The following PIEZO1 variants were observed in gnomAD, a reference collection of about 807,000 sequenced individuals.
PIEZO1 encodes the protein piezo type mechanosensitive ion channel component 1 (Er blood group), also known as piezo-type mechanosensitive ion channel component 1.
A neutral mutation model predicts 297.2 loss-of-function variants in PIEZO1; 296 were observed. That is an observed-to-expected ratio of 1.00 (90% CI 0.91 to 1.10). The LOEUF is 1.10. PIEZO1 is among the 50% of genes least tolerant of loss of function. PIEZO1 has a pLI of 0.00. For missense variants in PIEZO1, 5,018 were observed against 3,455.5 expected (o/e 1.45, Z -11.34); for synonymous variants, 2,427 against 1,507.5 (o/e 1.61, Z -14.13).
chr16:88,730,942 C>T (rs1473149093), intron 22 of PIEZO1, among the ~76,000 whole-genome samples: 1 of 152,258 alleles, frequency 6.6e-6, no homozygotes, highest in African/African-American at 2.4e-5. Context: ...CCCCACACAG[C>T]CCACCAGTGC....
intron 1 of PIEZO1, among the ~76,000 whole-genome samples, chr16:88,764,846 C>T (rs1270460273): frequency 6.6e-6 from 1 of 152,222 alleles, no homozygotes; most frequent in African/African-American, 2.4e-5. Context: ...AACGAGGACT[C>T]CGCCCTCGGC....
At chr16:88,784,640 G>C (rs762387820) in intron 1 of PIEZO1, among the ~76,000 whole-genome samples, 1 of 151,714 alleles carries the variant, frequency 6.6e-6, no homozygotes, top group African/African-American at 2.4e-5. Flanking sequence ...CCCGGCGCTC[G>C]CTCGACCGCC....
chr16:88,727,553 T>G lies in PIEZO1; in HGVS notation c.3301+4A>C. 7.7e-7 allele frequency: 1 copy of G among 1,303,504 alleles called. No individual in the cohort carries two copies. The highest frequency in any genetic ancestry group is 1.1e-6 in the Non-Finnish European group (1 of 938,928). 80.7% of individuals were successfully genotyped at this position (1,303,504 alleles called of 1,614,324 possible). A position where few individuals can be genotyped will look rare whatever the true frequency, so the allele number is the denominator to read the frequency against. ...CAGAGGCGGGGGTGGTGGGGGGCACTCACTGATGAGGTTGGTGGAGTTGGG... is the reference window on the plus strand; with the variant it reads ...CAGAGGCGGGGGTGGTGGGGGGCACGCACTGATGAGGTTGGTGGAGTTGGG... On this transcript the variant is annotated splice_donor_region_variant and intron_variant, in intron 23 of 50. Coordinates refer to ENST00000301015, the MANE Select transcript of PIEZO1 (RefSeq NM_001142864.4).
intron 1 of PIEZO1, among the ~76,000 whole-genome samples, chr16:88,758,839 T>A (rs985737872): frequency 6.6e-6 from 1 of 152,204 alleles, no homozygotes; most frequent in Admixed American, 6.5e-5. Context: ...GCCTGACACA[T>A]AGCATGAGAG....
intron 1 of PIEZO1, among the ~76,000 whole-genome samples, chr16:88,775,689 A>G (rs1907624869): frequency 7.0e-6 from 1 of 143,772 alleles, no homozygotes; most frequent in South Asian, 2.2e-4. Context: ...AGATCGTGCC[A>G]CTCCACTACA....
At chr16:88,741,316 T>C in intron 5 of PIEZO1, 162 bp downstream of exon 5, 1 of 643,508 alleles carries the variant, frequency 1.6e-6, no homozygotes, top group Non-Finnish European at 2.6e-6. Context: ...AACTGCAGGC[T>C]GGGCCCCGGG....
chr16:88,770,788 G>T lies in PIEZO1; in HGVS notation c.64+14113C>A, dbSNP rs982870094. 3.3e-5 allele frequency among the ~76,000 whole-genome samples: 5 copies of T among 152,330 alleles called. No homozygotes were observed. The East Asian group carries it at 5.8e-4, about 18-fold the overall frequency. On this transcript the variant is annotated intron_variant, in intron 1 of 50. Coordinates refer to ENST00000301015, the MANE Select transcript of PIEZO1 (RefSeq NM_001142864.4). ...AGGTCCGGGCCAGGCGTCCTCCACT[G>T]GGCCCCGCGCGGCCCTGCCATAGGT...
chr16:88,741,487 T>C lies in PIEZO1; in HGVS notation c.456A>G (p.Pro152=), dbSNP rs1481994194. Residue 152 remains proline, a synonymous_variant, in exon 5 of 51, where the codon CCA becomes CCG. Transcript: ENST00000301015. ...ACGCAGCTGCCCTCACCAGCTCCCG[T>C]GGATGTGGGCTCTGCCGGGTGTTCC... ...LARNTRQSPH[P]RELDDDERDV... 2.6e-6 allele frequency: 4 copies of C among 1,534,622 alleles called. No homozygotes were observed. The highest frequency in any genetic ancestry group is 2.4e-5 in the East Asian group (1 of 40,878).
chr16:88,736,926 T>C, intron 10 of PIEZO1, 187 bp from the exon 11 acceptor site: 1 of 486,928 alleles, frequency 2.1e-6, no homozygotes, highest in East Asian at 3.6e-5. Flanking sequence ...GGGATGGCCC[T>C]GCCAGCACCT....
intron 1 of PIEZO1, among the ~76,000 whole-genome samples, chr16:88,781,537 C>T (rs1403602573): frequency 6.6e-6 from 1 of 152,264 alleles, no homozygotes; most frequent in South Asian, 2.1e-4. Context: ...GGACAGAGTG[C>T]GCCCCTCTGT....
chr16:88,749,272 T>C lies in PIEZO1; in HGVS notation c.160+112A>G, dbSNP rs186263940. 6.0e-4 allele frequency: 379 copies of C among 633,076 alleles called. 2 individuals carry two copies. The East Asian group carries it at 6.5e-3, about 11-fold the overall frequency. 39.2% of individuals were successfully genotyped at this position (633,076 alleles called of 1,614,324 possible). On this transcript the variant is annotated intron_variant, in intron 2 of 50. Coordinates refer to ENST00000301015, the MANE Select transcript of PIEZO1 (RefSeq NM_001142864.4). ...AAAAAAAATTTTATTTCGGGACCCC[T>C]CATCTTCCACCCCGGGCTGTTAAAG...
chr16:88,777,132 C>G (rs1323972385), intron 1 of PIEZO1, among the ~76,000 whole-genome samples: 1 of 152,220 alleles, frequency 6.6e-6, no homozygotes, highest in East Asian at 1.9e-4. Context: ...GTCACCATAC[C>G]CAGCTAATTT....
chr16:88,774,173 G>A (rs1033742180), intron 1 of PIEZO1, among the ~76,000 whole-genome samples: 2 of 152,168 alleles, frequency 1.3e-5, no homozygotes, highest in African/African-American at 4.8e-5. Flanking sequence ...CCTCTGCCTG[G>A]GCCCCCTTCC....
chr16:88,715,579 T>TCCCTCTCGGGCGCCAGCAGCAGCTCCTA lies in PIEZO1; in HGVS notation c.7564_*25dup. ...CACGCTGCCCAGCAGGCCGGCTCCT[T>TCCCTCTCGGGCGCCAGCAGCAGCTCCTA]CCCTCTCGGGCGCCAGCAGCAGCTC... On this transcript the variant is annotated 3_prime_UTR_variant, in exon 51 of 51. Transcript: ENST00000301015. The TCCCTCTCGGGCGCCAGCAGCAGCTCCTA allele has an allele frequency of 1.3e-6, 2 of 1,543,998 alleles. No homozygotes were observed. Among genetic ancestry groups the TCCCTCTCGGGCGCCAGCAGCAGCTCCTA allele is most frequent in the Non-Finnish European group, 1.7e-6 (2 of 1,144,002 alleles).
intron 29 of PIEZO1, 50 bp downstream of exon 29, chr16:88,725,366 C>G: frequency 1.8e-6 from 2 of 1,131,650 alleles, no homozygotes; most frequent in Admixed American, 5.8e-5. Context: ...CCAGCAGGCA[C>G]AGACATGCTG....
Position 88,738,227 on chromosome 16 carries a change from C to G in PIEZO1, c.848G>C (p.Arg283Thr). 1.3e-6 allele frequency: 2 copies of G among 1,535,590 alleles called. No homozygotes were observed. The highest frequency in any genetic ancestry group is 1.7e-6 in the Non-Finnish European group (2 of 1,146,618). ...ALLPPAGIWA[R>T]VLGLKDFVGP... ...AAGGGGCTGTGTGGCAAGCCGTTAC[C>G]TAGCCCAGATGCCGGCAGGCGGGAG... Residue 283 changes from arginine (R) to threonine (T), a missense_variant and splice_region_variant, in exon 7 of 51, where the codon AGG becomes ACG. Arg to Thr is a moderately conservative substitution (Grantham distance 71). Coordinates refer to ENST00000301015, the MANE Select transcript of PIEZO1 (RefSeq NM_001142864.4).
At chr16:88,742,476 C>A in intron 2 of PIEZO1, 54 bp from the exon 3 acceptor site, 1 of 1,517,106 alleles carries the variant, frequency 6.6e-7, no homozygotes, top group Non-Finnish European at 8.8e-7. Flanking sequence ...GGGGCCGCAG[C>A]CCAGGCCGCT....
At chr16:88,717,681 G>T (rs116172239) in intron 44 of PIEZO1, 11 of 437,338 alleles carry the variant, frequency 2.5e-5, no homozygotes, top group Non-Finnish European at 4.6e-5. Flanking sequence ...TGCTTCCAAA[G>T]ACACCAAGAA....
At chr16:88,750,855 C>A (rs1597472991) in intron 1 of PIEZO1, among the ~76,000 whole-genome samples, 1 of 151,040 alleles carries the variant, frequency 6.6e-6, no homozygotes, top group East Asian at 1.9e-4. Flanking sequence ...CCACTATCCA[C>A]CCACCCTCCA....
Sources: gnomAD v4.1 joint callset for allele counts (sites outside exome capture counted in the v4.1 genomes callset) on GRCh38, gnomAD v4.1.1 for gene constraint, MANE v1.5 for transcripts, NCBI Gene and HGNC (gene_info 2026-07-23, HGNC 2026-07-21) for gene names.